Variants in NBEA observed in about 807,000 individuals in gnomAD.
NBEA encodes the protein neurobeachin, also known as lysosomal-trafficking regulator 2.
Under a neutral mutation model 343.4 loss-of-function variants are expected in NBEA, and 44 were observed. The observed-to-expected ratio is 0.13, with a 90% CI of 0.10 to 0.16. The LOEUF (loss-of-function observed/expected upper bound fraction) is 0.16, where lower values mean the gene tolerates loss of function less well. Among genes scored for constraint, NBEA ranks in the 10% least tolerant of loss-of-function variants. NBEA has a pLI of 1.00. For missense variants in NBEA, 2,555 were observed against 3,631.3 expected (o/e 0.70, Z 7.62); for synonymous variants, 1,175 against 1,238.7 (o/e 0.95, Z 1.08).
intron 38 of NBEA, among the ~76,000 whole-genome samples, chr13:35,354,856 C>G (rs1181285777): frequency 6.6e-6 from 1 of 152,120 alleles, no homozygotes. Context: ...TCTCCCGTCG[C>G]CAGGTCTGTA....
chr13:35,172,292 A>G (rs903926345), intron 26 of NBEA, among the ~76,000 whole-genome samples: 2 of 152,054 alleles, frequency 1.3e-5, no homozygotes, highest in African/African-American at 4.8e-5. Flanking sequence ...ATTTAAAGAC[A>G]GGCAAGCTGA....
chr13:35,619,675 C>G (rs1416611483), intron 48 of NBEA, among the ~76,000 whole-genome samples: 1 of 152,140 alleles, frequency 6.6e-6, no homozygotes, highest in Non-Finnish European at 1.5e-5. Context: ...TTGAGACTCT[C>G]AACTGCATTC....
At chr13:35,456,747 G>A (rs1451862284) in intron 40 of NBEA, among the ~76,000 whole-genome samples, 5 of 151,906 alleles carry the variant, frequency 3.3e-5, no homozygotes, top group African/African-American at 1.2e-4. Context: ...TAGAATGGTA[G>A]TTCTGTCACA....
chr13:35,095,799 C>G (rs2065303444), intron 10 of NBEA, among the ~76,000 whole-genome samples: 1 of 151,900 alleles, frequency 6.6e-6, no homozygotes, highest in South Asian at 2.1e-4. Context: ...AAATCTGTTC[C>G]TAGGTATTGC....
At chr13:35,569,055 G>A (rs2080272174) in intron 45 of NBEA, among the ~76,000 whole-genome samples, 1 of 152,182 alleles carries the variant, frequency 6.6e-6, no homozygotes, top group African/African-American at 2.4e-5. Context: ...GAATAGTGCA[G>A]GGACATCAGT....
intron 34 of NBEA, among the ~76,000 whole-genome samples, chr13:35,276,229 A>G (rs1036369952): frequency 1.3e-5 from 2 of 152,132 alleles, no homozygotes; most frequent in African/African-American, 4.8e-5. Context: ...TTTAAAGGGA[A>G]TTATTTTCCC....
At position 35,394,194 on chromosome 13, in the gene NBEA, G is replaced by A. The variant is rs148314653; in HGVS notation, c.6180-38075G>A. 1.7e-4 allele frequency among the ~76,000 whole-genome samples: 26 copies of A among 152,172 alleles called. No individual in the cohort carries two copies. The East Asian group carries it at 3.3e-3, about 19-fold the overall frequency. ...TGATGGATTAGCCTATCTGCACCAC[G>A]CACTTCAGCTGAACACTGTACAGAT... is the stretch of plus-strand genomic sequence containing the variant. On this transcript the variant is annotated intron_variant, in intron 38 of 58. Transcript: ENST00000379939.
At position 35,593,308 on chromosome 13, in the gene NBEA, G is replaced by T; in HGVS notation, c.7177-20G>T. ...CTGTGTTTAGAGTGGTCAAATTTCT[G>T]ATTCTGTTTTTTTGCTTAGGAACCT... On this transcript the variant is annotated intron_variant, in intron 46 of 58. Transcript: ENST00000379939. 1 of 1,610,632 alleles carries T rather than the reference G, an allele frequency of 6.2e-7. No individual in the cohort carries two copies. Among genetic ancestry groups the T allele is most frequent in the Non-Finnish European group, 8.5e-7 (1 of 1,178,158 alleles).
At chr13:35,523,240 G>C (rs954773416) in intron 41 of NBEA, among the ~76,000 whole-genome samples, 1 of 152,018 alleles carries the variant, frequency 6.6e-6, no homozygotes, top group East Asian at 1.9e-4. Context: ...TATTTTCACT[G>C]TTTTATATAT....
At chr13:35,350,754 G>C (rs1236624786) in intron 37 of NBEA, among the ~76,000 whole-genome samples, 1 of 151,124 alleles carries the variant, frequency 6.6e-6, no homozygotes, top group South Asian at 2.1e-4. Context: ...GTGTGTGTGT[G>C]TGTGTGTGTG....
chr13:34,976,667 T>TTTTTTTTTTTTTTTTTTTTTTTA (rs2060187889), intron 1 of NBEA, among the ~76,000 whole-genome samples: 1 of 150,668 alleles, frequency 6.6e-6, no homozygotes, highest in African/African-American at 2.4e-5. Context: ...TTTTTTTTTT[T>TTTTTTTTTTTTTTTTTTTTTTTA]TTCATGGAGC....
chr13:35,670,867 A>G (rs1438979935), intron 58 of NBEA, 34 bp from the exon 59 acceptor site: 2 of 1,441,846 alleles, frequency 1.4e-6, no homozygotes, highest in Non-Finnish European at 1.9e-6. Flanking sequence ...AAATGATTTT[A>G]TATCACTCTT....
chr13:35,280,968 G>C (rs751931864), intron 34 of NBEA, among the ~76,000 whole-genome samples: 2 of 151,920 alleles, frequency 1.3e-5, no homozygotes, highest in Non-Finnish European at 2.9e-5. Context: ...ATTACGAAGT[G>C]ACTCACATAC....
Position 35,458,220 on chromosome 13 carries a change from A to T in NBEA, c.6448+5985A>T, listed in dbSNP as rs536864623. Among the ~76,000 whole-genome samples, 110 of 152,302 alleles carry T rather than the reference A, an allele frequency of 7.2e-4. 1 individual carries two copies. Among genetic ancestry groups the T allele is most frequent in the Admixed American group, 6.4e-3 (98 of 15,294 alleles). ...TCAATTTCTCCATATCCTCTCCAAG[A>T]CATGTTATTATCTGTCTTCCTTTAT... On this transcript the variant is annotated intron_variant, in intron 40 of 58. Transcript: ENST00000379939.
chr13:35,047,332 A>G (rs2062895993), intron 4 of NBEA, among the ~76,000 whole-genome samples: 1 of 151,536 alleles, frequency 6.6e-6, no homozygotes, highest in African/African-American at 2.4e-5. Flanking sequence ...TACATTCCTT[A>G]CTCTTGAAGA....
intron 38 of NBEA, among the ~76,000 whole-genome samples, chr13:35,400,370 G>A (rs902682559): frequency 9.2e-5 from 14 of 151,814 alleles, no homozygotes; most frequent in African/African-American, 2.9e-4. Flanking sequence ...TAGAACTATT[G>A]TAAGAATTAT....
chr13:35,478,737 G>T, intron 41 of NBEA, among the ~76,000 whole-genome samples: 1 of 152,238 alleles, frequency 6.6e-6, no homozygotes, highest in East Asian at 1.9e-4. Flanking sequence ...CCCAGCCGCG[G>T]GCCCCTGCGC....
chr13:35,124,810 A>G (rs2067028566), intron 17 of NBEA, among the ~76,000 whole-genome samples: 1 of 150,988 alleles, frequency 6.6e-6, no homozygotes, highest in Non-Finnish European at 1.5e-5. Context: ...GGATATATAT[A>G]CACACACATA....
intron 41 of NBEA, among the ~76,000 whole-genome samples, chr13:35,500,663 G>A (rs2076849669): frequency 1.3e-5 from 2 of 151,036 alleles, no homozygotes; most frequent in South Asian, 4.2e-4. Flanking sequence ...TTGATGAGAT[G>A]ACAACTATCT....
Sources: allele counts gnomAD v4.1 joint callset (sites outside exome capture counted in the v4.1 genomes callset), GRCh38; gene constraint gnomAD v4.1.1; transcripts MANE v1.5; gene names NCBI Gene and HGNC (gene_info 2026-07-23, HGNC 2026-07-21).